CEMIP2: variants seen among roughly 807,000 people sequenced by gnomAD.
CEMIP2 encodes the protein cell migration inducing hyaluronidase 2.
In CEMIP2, 79 loss-of-function variants were observed where a neutral mutation model predicts 146.9. The observed-to-expected ratio is 0.54, with a 90% CI of 0.45 to 0.65. The LOEUF (loss-of-function observed/expected upper bound fraction) is 0.65. Among genes scored for constraint, CEMIP2 ranks in the 30% least tolerant of loss-of-function variants. CEMIP2 has a pLI of 0.00. For missense variants in CEMIP2, 1,596 were observed against 1,696.2 expected (o/e 0.94, Z 1.04); for synonymous variants, 601 against 606.3 (o/e 0.99, Z 0.13).
At chr9:71,762,008 G>C (rs1254059267) in intron 1 of CEMIP2, among the ~76,000 whole-genome samples, 3 of 144,252 alleles carry the variant, frequency 2.1e-5, no homozygotes, top group Admixed American at 1.4e-4. Flanking sequence ...TTTAAATGAC[G>C]ACACGTTGCC....
intron 12 of CEMIP2, 152 bp from the exon 13 acceptor site, chr9:71,718,231 AAAG>A (rs1823126426): frequency 1.4e-6 from 1 of 726,916 alleles, no homozygotes; most frequent in South Asian, 3.6e-5. Context: ...TTAAACATTC[AAAG>A]AAGAAATTAC....
intron 17 of CEMIP2, among the ~76,000 whole-genome samples, chr9:71,706,503 C>A (rs1229278276): frequency 6.6e-6 from 1 of 152,110 alleles, no homozygotes; most frequent in African/African-American, 2.4e-5. Flanking sequence ...AGAATTACTA[C>A]TCTGATTTGT....
At chr9:71,755,603 A>C (rs150553029) in intron 1 of CEMIP2, among the ~76,000 whole-genome samples, 5 of 152,154 alleles carry the variant, frequency 3.3e-5, no homozygotes, top group Non-Finnish European at 7.4e-5. Context: ...AATAAAATTG[A>C]GCTATTCTCA....
rs1821979787 is a variant in CEMIP2, at chr9:71,683,930, T to C, written c.*1267A>G. The C allele has an allele frequency of 6.6e-6, 1 of 152,296 alleles. No individual in the cohort carries two copies. Among genetic ancestry groups the C allele is most frequent in the Non-Finnish European group, 1.5e-5 (1 of 68,050 alleles). 9.4% of individuals were successfully genotyped at this position (152,296 alleles called of 1,614,324 possible). A position where few individuals can be genotyped will look rare whatever the true frequency, so the allele number is the denominator to read the frequency against. On this transcript the variant is annotated 3_prime_UTR_variant, in exon 24 of 24. Coordinates refer to ENST00000377044, the MANE Select transcript of CEMIP2 (RefSeq NM_013390.3). ...GGGGGTTTAGAACAACGTAAAGGCA[T>C]TTTGCTGCTTCTTTCCTCTTGGTAC...
intron 17 of CEMIP2, 175 bp from the exon 18 acceptor site, chr9:71,704,978 TA>T (rs1822692709): frequency 4.9e-6 from 3 of 607,810 alleles, no homozygotes; most frequent in Non-Finnish European, 5.8e-6. Context: ...GCAGCCTACT[TA>T]AACTAGAAAT....
chr9:71,704,476 G>C (rs1300560072), intron 18 of CEMIP2, 119 bp downstream of exon 18: 1 of 997,794 alleles, frequency 1.0e-6, no homozygotes, highest in African/African-American at 1.6e-5. Context: ...CCCCACAAGA[G>C]AAGCAAAGTA....
In CEMIP2 at chr9:71,700,655, CAA is replaced by C. The variant is rs1563997935; in HGVS notation, c.3362_3363del (p.Phe1121Ter). ...TCACTGAATTACCCCGTGCTGGAGTCAAAATAGAATTTCCTCTCGGATTGCTT... is the reference window on the plus strand; with the variant it reads ...TCACTGAATTACCCCGTGCTGGAGTCAATAGAATTTCCTCTCGGATTGCTT... ...QRKQSERKFY[F>X]DSSTGLLFLY... is the part of the protein sequence containing the mutation. On this transcript the variant is annotated frameshift_variant, in exon 19 of 24. Coordinates refer to ENST00000377044, the MANE Select transcript of CEMIP2 (RefSeq NM_013390.3). LOFTEE classifies it high-confidence loss of function. 6.2e-7 allele frequency: 1 copy of C among 1,600,986 alleles called. No individual in the cohort carries two copies. The highest frequency in any genetic ancestry group is 8.5e-7 in the Non-Finnish European group (1 of 1,175,370).
chr9:71,727,888 C>G lies in CEMIP2; in HGVS notation c.2049+1957G>C, dbSNP rs1823437605. ...CCAGCCTGGCCAATATGGTGAAACC[C>G]AGTCTCTACTAAAAATACAAAAATT... On this transcript the variant is annotated intron_variant, in intron 10 of 23. Coordinates refer to ENST00000377044, the MANE Select transcript of CEMIP2 (RefSeq NM_013390.3). 1.3e-5 allele frequency among the ~76,000 whole-genome samples: 2 copies of G among 151,992 alleles called. 1 individual carries two copies. Among genetic ancestry groups the G allele is most frequent in the South Asian group, 4.1e-4 (2 of 4,820 alleles).
Position 71,728,289 on chromosome 9 carries a change from A to G in CEMIP2, c.2049+1556T>C, listed in dbSNP as rs1415727137. ...TATATATATATATATATGTATATAT[A>G]TATATATATATACATATATATATAT... On this transcript the variant is annotated intron_variant, in intron 10 of 23. Transcript: ENST00000377044. 4.5e-4 allele frequency among the ~76,000 whole-genome samples: 14 copies of G among 31,120 alleles called. 1 individual carries two copies. The highest frequency in any genetic ancestry group is 1.5e-3 in the African/African-American group (14 of 9,382). The allele number at this position is 31,120 out of a possible 152,430, so 20.4% of individuals were successfully genotyped here.
At position 71,755,826 on chromosome 9, in the gene CEMIP2, G is replaced by A. The variant is rs116737589; in HGVS notation, c.-12-5441C>T. 5.4e-3 allele frequency among the ~76,000 whole-genome samples: 817 copies of A among 151,688 alleles called. 13 individuals carry two copies. The highest frequency in any genetic ancestry group is 0.017 in the Middle Eastern group (5 of 294). On this transcript the variant is annotated intron_variant, in intron 1 of 23. Transcript: ENST00000377044. ...AAACCAAAAAAATTAACTGGGCATG[G>A]TGGCATGTGCCTTTAGTCCTAGCTA...
intron 12 of CEMIP2, among the ~76,000 whole-genome samples, chr9:71,719,618 T>A (rs1823171738): frequency 6.6e-6 from 1 of 152,044 alleles, no homozygotes; most frequent in Non-Finnish European, 1.5e-5. Flanking sequence ...TGGTATAAAC[T>A]GGGGTAGTAG....
At chr9:71,746,108 T>C in intron 3 of CEMIP2, 93 bp downstream of exon 3, 2 of 1,418,660 alleles carry the variant, frequency 1.4e-6, no homozygotes, top group South Asian at 2.7e-5. Flanking sequence ...AAGCCTATTC[T>C]GCCTAAAAAT....
chr9:71,723,136 G>GA (rs33948828), intron 11 of CEMIP2, among the ~76,000 whole-genome samples: 15,540 of 104,160 alleles, frequency 0.15, 1,534 homozygotes, highest in African/African-American at 0.33. Context: ...AACAGCCAAA[G>GA]AAAAAAAAAA....
chr9:71,760,690 G>A, intron 1 of CEMIP2, among the ~76,000 whole-genome samples: 1 of 150,740 alleles, frequency 6.6e-6, no homozygotes, highest in African/African-American at 2.4e-5. Context: ...CAAGCGGGGA[G>A]GAAGGGTAGC....
Position 71,730,197 on chromosome 9 carries a change from A to G in CEMIP2, c.1830T>C (p.Gly610=), listed in dbSNP as rs762336439. 3.1e-6 allele frequency: 5 copies of G among 1,614,216 alleles called. No individual in the cohort carries two copies. In the South Asian group the frequency reaches 4.4e-5, roughly 14 times the overall value. Residue 610 remains glycine (G), a synonymous_variant, in exon 9 of 24, where the codon GGT becomes GGC. Transcript: ENST00000377044. ...TLGHCFFLED[G]IEQRNTLFHN... is the part of the protein sequence containing the mutation. Reference sequence around the variant, plus strand: ...GGAACAAAGTATTCCTCTGTTCAATACCATCTTCCAAAAAGAAACAATGAC... The same window carrying G: ...GGAACAAAGTATTCCTCTGTTCAATGCCATCTTCCAAAAAGAAACAATGAC...
rs1028358996 is a variant in CEMIP2 at position 71,745,666 on chromosome 9, T to C, written c.473-87A>G. The C allele has an allele frequency of 9.8e-6, 13 of 1,325,998 alleles. No individual in the cohort carries two copies. In the Middle Eastern group the frequency reaches 6.3e-4, roughly 64 times the overall value. The allele number at this position is 1,325,998 out of a possible 1,614,324, so 82.1% of individuals were successfully genotyped here. A position where few individuals can be genotyped will look rare whatever the true frequency, so the allele number is the denominator to read the frequency against. The stretch of plus-strand genomic sequence containing the variant: ...AGATTTCACCTTAAGTTAAATACAC[T>C]TCCGCAATTAGGTCGGAAAAAAGAA... On this transcript the variant is annotated intron_variant, in intron 3 of 23. Coordinates refer to ENST00000377044, the MANE Select transcript of CEMIP2 (RefSeq NM_013390.3).
chr9:71,699,920 A>T (rs1365095893), intron 19 of CEMIP2, among the ~76,000 whole-genome samples: 1 of 152,176 alleles, frequency 6.6e-6, no homozygotes, highest in African/African-American at 2.4e-5. Context: ...TAATGACTTG[A>T]TTTACATGCC....
intron 19 of CEMIP2, among the ~76,000 whole-genome samples, chr9:71,700,306 T>A (rs948555599): frequency 2.6e-5 from 4 of 152,218 alleles, no homozygotes; most frequent in African/African-American, 9.7e-5. Flanking sequence ...CACTGAAATA[T>A]GAACTATATC....
chr9:71,686,113 C>T (rs1822053089), intron 22 of CEMIP2: 2 of 341,810 alleles, frequency 5.9e-6, no homozygotes, highest in Non-Finnish European at 1.1e-5. Flanking sequence ...TTCCCAACCC[C>T]TGGGCCATGG....
Sources: allele counts gnomAD v4.1 joint callset (sites outside exome capture counted in the v4.1 genomes callset), GRCh38; gene constraint gnomAD v4.1.1; transcripts MANE v1.5; gene names NCBI Gene and HGNC (gene_info 2026-07-23, HGNC 2026-07-21).